Variants in RNPC3 observed in about 807,000 individuals in gnomAD.
The protein encoded by RNPC3 is RNA binding region (RNP1, RRM) containing 3.
RNPC3 carries 48 observed loss-of-function variants against 67.5 expected under a neutral mutation model. The ratio of observed to expected loss-of-function variants is 0.71; its 90% CI spans 0.56 to 0.90. The LOEUF (loss-of-function observed/expected upper bound fraction) is 0.90. RNPC3 is among the 40% of genes least tolerant of loss of function. The pLI, the probability that RNPC3 is intolerant of heterozygous loss-of-function variation, is 0.00. For missense variants in RNPC3, 637 were observed against 626.1 expected (o/e 1.02, Z -0.19); for synonymous variants, 239 against 210.3 (o/e 1.14, Z -1.18).
At chr1:103,544,634 A>C (rs985564237) in intron 9 of RNPC3, among the ~76,000 whole-genome samples, 3 of 151,886 alleles carry the variant, frequency 2.0e-5, no homozygotes, top group South Asian at 2.1e-4. Context: ...TTTAATTCCT[A>C]TCTTGGATGG....
Position 103,533,769 on chromosome 1 carries a change from T to C in RNPC3, c.271T>C (p.Leu91=). The stretch of plus-strand genomic sequence containing the variant: ...GACAAGACTCCATCAACTGAAACTT[T>C]TAGGTCATACTTTAGTCGTTGAATT... ...ALTRLHQLKL[L]GHTLVVEFAK... The change falls in exon 3 of 15, where the codon TTA becomes CTA. Residue 91 remains leucine (L), a synonymous_variant. Transcript: ENST00000423855. The C allele has an allele frequency of 6.5e-7, 1 of 1,534,336 alleles. No homozygotes were observed. Among genetic ancestry groups the C allele is most frequent in the Non-Finnish European group, 8.7e-7 (1 of 1,144,756 alleles).
chr1:103,542,085 T>A (rs1301130061), intron 8 of RNPC3, among the ~76,000 whole-genome samples: 1 of 152,082 alleles, frequency 6.6e-6, no homozygotes. Context: ...AATGCTGTCT[T>A]TTCAAACAGT....
At chr1:103,533,391 T>C (rs1650907760) in intron 2 of RNPC3, among the ~76,000 whole-genome samples, 2 of 152,028 alleles carry the variant, frequency 1.3e-5, no homozygotes, top group South Asian at 2.1e-4. Flanking sequence ...TAATAAGTAA[T>C]TTTGTGGCAT....
At chr1:103,528,631 T>C (rs1296705242) in intron 2 of RNPC3, among the ~76,000 whole-genome samples, 1 of 152,204 alleles carries the variant, frequency 6.6e-6, no homozygotes, top group African/African-American at 2.4e-5. Context: ...ATGAATTCAC[T>C]TGTCATCTGT....
In RNPC3 at chr1:103,545,080, A is replaced by G. The variant is rs1432287717; in HGVS notation, c.1185A>G (p.Glu395=). The G allele has an allele frequency of 1.3e-6, 2 of 1,533,012 alleles. No individual in the cohort carries two copies. The highest frequency in any genetic ancestry group is 1.7e-6 in the Non-Finnish European group (2 of 1,144,798). The allele number at this position is 1,533,012 out of a possible 1,614,324, so 95.0% of individuals were successfully genotyped here. A position where few individuals can be genotyped will look rare whatever the true frequency, so the allele number is the denominator to read the frequency against. The part of the protein sequence containing the change: ...PSECISRREL[E]KGRISREEME... ...AATGTATTTCTAGAAGGGAATTGGA[A>G]AAGGGCAGAATTTCTAGAGAAGGTA... Residue 395 remains glutamate (E), a synonymous_variant, in exon 10 of 15, where the codon GAA becomes GAG. Coordinates refer to ENST00000423855, the MANE Select transcript of RNPC3 (RefSeq NM_017619.4).
rs985788001 is a variant in RNPC3 at position 103,550,878 on chromosome 1, C to A, written c.1362-63C>A. ...TGAAATAGCAAAATGTTAGATTATT[C>A]AACACATTTTCATTCACATTGAAAC... On this transcript the variant is annotated intron_variant, in intron 12 of 14. Transcript: ENST00000423855. 6 of 1,509,366 alleles carry A rather than the reference C, an allele frequency of 4.0e-6. No individual in the cohort carries two copies. In the African/African-American group the frequency reaches 8.3e-5, roughly 21 times the overall value. 93.5% of individuals were successfully genotyped at this position (1,509,366 alleles called of 1,614,324 possible). A position where few individuals can be genotyped will look rare whatever the true frequency, so the allele number is the denominator to read the frequency against.
chr1:103,527,906 C>T (rs1650757306), intron 2 of RNPC3, among the ~76,000 whole-genome samples, 164 bp downstream of exon 2: 1 of 152,112 alleles, frequency 6.6e-6, no homozygotes, highest in African/African-American at 2.4e-5. Flanking sequence ...CTTGCCCAGT[C>T]CTTTAGTAGA....
intron 8 of RNPC3, among the ~76,000 whole-genome samples, chr1:103,542,751 A>T (rs377519574): frequency 2.0e-5 from 3 of 151,880 alleles, no homozygotes; most frequent in African/African-American, 7.2e-5. Flanking sequence ...TGTGAGCCAC[A>T]TTAAAATTGT....
intron 2 of RNPC3, among the ~76,000 whole-genome samples, chr1:103,529,748 G>A (rs1324626713): frequency 6.6e-6 from 1 of 152,182 alleles, no homozygotes; most frequent in Non-Finnish European, 1.5e-5. Flanking sequence ...AACTTTGTAT[G>A]ATGATGTAAG....
At chr1:103,536,100 G>T (rs1170419690) in intron 5 of RNPC3, 26 bp from the exon 6 acceptor site, 2 of 1,481,152 alleles carry the variant, frequency 1.4e-6, no homozygotes, top group Non-Finnish European at 9.1e-7. Context: ...TTTTATATGT[G>T]AATTTAAATG....
chr1:103,536,025 C>CAA lies in RNPC3; in HGVS notation c.556-100_556-99insAA, dbSNP rs983062966. The CAA allele has an allele frequency of 3.6e-6, 3 of 828,162 alleles. No individual in the cohort carries two copies. In the African/African-American group the frequency reaches 5.1e-5, roughly 14 times the overall value. 51.3% of individuals were successfully genotyped at this position (828,162 alleles called of 1,614,324 possible). ...CAAGAGATGGGCAGGTCTTCCTTTA[C>CAA]ACTCAATAAATAGTGTTATAGCAAA... On this transcript the variant is annotated intron_variant, in intron 5 of 14. Coordinates refer to ENST00000423855, the MANE Select transcript of RNPC3 (RefSeq NM_017619.4).
intron 7 of RNPC3, among the ~76,000 whole-genome samples, chr1:103,539,154 A>G (rs1651060698): frequency 6.6e-6 from 1 of 152,202 alleles, no homozygotes; most frequent in Non-Finnish European, 1.5e-5. Context: ...CCCTGTCTGC[A>G]GGACTCTAAT....
intron 8 of RNPC3, among the ~76,000 whole-genome samples, chr1:103,542,359 A>G (rs1179381045): frequency 1.3e-5 from 2 of 151,966 alleles, no homozygotes; most frequent in Non-Finnish European, 1.5e-5. Flanking sequence ...AGGTAGGAAA[A>G]TGTATTGAAT....
Position 103,537,437 on chromosome 1 carries a change from T to C in RNPC3, c.720T>C (p.Ser240=). The C allele has an allele frequency of 6.5e-7, 1 of 1,536,754 alleles. No homozygotes were observed. Among genetic ancestry groups the C allele is most frequent in the Non-Finnish European group, 8.7e-7 (1 of 1,146,614 alleles). ...TGCCAGACGAGGATGAGGAATTATC[T>C]AGTGAAGAATCAGAATATGAAAGCA... is the stretch of plus-strand genomic sequence containing the variant. ...PPLPDEDEEL[S]SEESEYESTD... is the part of the protein sequence containing the mutation. The change falls in exon 7 of 15, where the codon TCT becomes TCC. Residue 240 remains serine, a synonymous_variant. Coordinates refer to ENST00000423855, the MANE Select transcript of RNPC3 (RefSeq NM_017619.4).
In RNPC3 at chr1:103,525,913, C is replaced by T. The variant is rs1650689602; in HGVS notation, c.-158C>T. 3.2e-6 allele frequency: 2 copies of T among 625,844 alleles called. No individual in the cohort carries two copies. Among genetic ancestry groups the T allele is most frequent in the African/African-American group, 1.9e-5 (1 of 53,910 alleles). The allele number at this position is 625,844 out of a possible 1,614,324, so 38.8% of individuals were successfully genotyped here. A position where few individuals can be genotyped will look rare whatever the true frequency, so the allele number is the denominator to read the frequency against. Reference sequence around the variant, plus strand: ...TCGAAGGGTTGCCGCTTTTCGGTGGCGCAGTTCTCGCGAGAAGGTGACTTT... The same window carrying T: ...TCGAAGGGTTGCCGCTTTTCGGTGGTGCAGTTCTCGCGAGAAGGTGACTTT... On this transcript the variant is annotated 5_prime_UTR_variant, in exon 1 of 15. Transcript: ENST00000423855.
chr1:103,553,717 G>A (rs1382240589), intron 14 of RNPC3: 1 of 152,136 alleles, frequency 6.6e-6, no homozygotes, highest in Non-Finnish European at 1.5e-5. Context: ...TTGGGCAAAG[G>A]AAATGTTTTT....
At position 103,526,319 on chromosome 1, in the gene RNPC3, G is replaced by C. The variant is rs539890341; in HGVS notation, c.192+57G>C. On this transcript the variant is annotated intron_variant, in intron 1 of 14. Transcript: ENST00000423855. ...AAGGCATTTGGGAAGTGACCGGGGA[G>C]GGGGAGCGCTGACAAGAGTAAAATG... is the stretch of plus-strand genomic sequence containing the variant. The C allele has an allele frequency of 7.0e-6, 10 of 1,423,084 alleles. No homozygotes were observed. The African/African-American group carries it at 1.0e-4, about 14-fold the overall frequency. The allele number at this position is 1,423,084 out of a possible 1,614,324, so 88.2% of individuals were successfully genotyped here. A position where few individuals can be genotyped will look rare whatever the true frequency, so the allele number is the denominator to read the frequency against.
intron 8 of RNPC3, among the ~76,000 whole-genome samples, chr1:103,541,759 C>A (rs1651129890): frequency 6.6e-6 from 1 of 151,998 alleles, no homozygotes; most frequent in South Asian, 2.1e-4. Flanking sequence ...CATTTACTTT[C>A]CTTTTATCAT....
intron 13 of RNPC3, 29 bp downstream of exon 13, chr1:103,551,102 C>A (rs1158672259): frequency 5.9e-6 from 9 of 1,536,478 alleles, no homozygotes; most frequent in Non-Finnish European, 7.9e-6. Context: ...TATTTCAAAA[C>A]TATATAATTT....
Sources: gnomAD v4.1 joint callset for allele counts (sites outside exome capture counted in the v4.1 genomes callset) on GRCh38, gnomAD v4.1.1 for gene constraint, MANE v1.5 for transcripts, NCBI Gene and HGNC (gene_info 2026-07-23, HGNC 2026-07-21) for gene names.